The following DIS3L2 variants were observed in gnomAD, a reference collection of about 807,000 sequenced individuals.
DIS3L2 encodes the protein DIS3 like 3'-5' exoribonuclease 2.
DIS3L2 carries 34 observed loss-of-function variants against 97.5 expected under a neutral mutation model. The observed-to-expected ratio is 0.35, with a 90% confidence interval of 0.27 to 0.46. DIS3L2 has a LOEUF of 0.46. Ranked by LOEUF, DIS3L2 falls within the 20% of genes least tolerant of loss-of-function variation. The pLI is 1.00. For missense variants in DIS3L2, 1,038 were observed against 1,146.0 expected (o/e 0.91, Z 1.36); for synonymous variants, 435 against 445.2 (o/e 0.98, Z 0.29).
intron 8 of DIS3L2, among the ~76,000 whole-genome samples, chr2:232,145,045 G>A (rs1437776273): frequency 6.6e-6 from 1 of 152,088 alleles, no homozygotes; most frequent in East Asian, 1.9e-4. Context: ...TTATTATACT[G>A]TATTTTTGGA....
chr2:232,236,364 A>G (rs540309422), intron 10 of DIS3L2, among the ~76,000 whole-genome samples: 2 of 152,300 alleles, frequency 1.3e-5, no homozygotes, highest in Admixed American at 1.3e-4. Context: ...TTCTAAGCCA[A>G]CTTGGGTATG....
intron 1 of DIS3L2, among the ~76,000 whole-genome samples, chr2:231,985,017 G>C (rs1375531364): frequency 6.6e-6 from 1 of 152,174 alleles, no homozygotes; most frequent in Non-Finnish European, 1.5e-5. Flanking sequence ...GTTTTTTCTT[G>C]TGTAACTAAG....
chr2:231,988,236 C>A (rs1281921179), intron 1 of DIS3L2, among the ~76,000 whole-genome samples: 1 of 152,164 alleles, frequency 6.6e-6, no homozygotes, highest in Non-Finnish European at 1.5e-5. Flanking sequence ...GTGGTTTTTA[C>A]GTGGAAAATC....
At chr2:232,039,084 G>GT (rs1695036284) in intron 5 of DIS3L2, among the ~76,000 whole-genome samples, 1 of 152,188 alleles carries the variant, frequency 6.6e-6, no homozygotes, top group Admixed American at 6.5e-5. Context: ...AGTCTTCACA[G>GT]TGGCTGCCTG....
chr2:232,176,566 G>C (rs899957722), intron 9 of DIS3L2, among the ~76,000 whole-genome samples: 1 of 150,522 alleles, frequency 6.6e-6, no homozygotes, highest in South Asian at 2.1e-4. Flanking sequence ...TTATGTTATT[G>C]AGTTCAGATC....
chr2:232,143,850 A>G (rs968931819), intron 8 of DIS3L2, among the ~76,000 whole-genome samples: 7 of 152,062 alleles, frequency 4.6e-5, no homozygotes, highest in African/African-American at 7.2e-5. Flanking sequence ...TTTTTTCCCC[A>G]GAGGTAACCA....
intron 6 of DIS3L2, among the ~76,000 whole-genome samples, chr2:232,121,256 ACTTT>A (rs983684969): frequency 7.9e-5 from 12 of 152,242 alleles, no homozygotes; most frequent in Middle Eastern, 3.4e-3. Flanking sequence ...CTATTGAAAT[ACTTT>A]CTTTCTTTGT....
chr2:232,307,328 T>A (rs1400105138), intron 14 of DIS3L2, among the ~76,000 whole-genome samples: 1 of 152,246 alleles, frequency 6.6e-6, no homozygotes, highest in African/African-American at 2.4e-5. Context: ...GAGTCAAGCT[T>A]CTTTCCAGCT....
At chr2:232,008,655 A>G (rs1694115176) in intron 1 of DIS3L2, among the ~76,000 whole-genome samples, 1 of 152,162 alleles carries the variant, frequency 6.6e-6, no homozygotes, top group Admixed American at 6.5e-5. Flanking sequence ...GGAGTGGGTT[A>G]TGCCTTTATA....
chr2:232,127,960 AT>A (rs1300190201), intron 6 of DIS3L2, among the ~76,000 whole-genome samples: 4 of 151,018 alleles, frequency 2.6e-5, no homozygotes, highest in Non-Finnish European at 5.9e-5. Flanking sequence ...TACAGTTTTT[AT>A]TTTTTTTGAG....
At chr2:232,253,104 CA>C (rs1186505511) in intron 12 of DIS3L2, among the ~76,000 whole-genome samples, 13 of 152,196 alleles carry the variant, frequency 8.5e-5, no homozygotes, top group Admixed American at 4.6e-4. Context: ...TGCTTTTCCT[CA>C]AGACCACCAG....
At chr2:232,338,241 C>T (rs570238611), downstream of DIS3L2, among the ~76,000 whole-genome samples, 284 of 152,252 alleles carry the variant, frequency 1.9e-3, no homozygotes, top group African/African-American at 6.3e-3. Flanking sequence ...TCGGGCCAGG[C>T]TGACCCTGTC....
At chr2:232,329,787 C>CCGGGGGGA in intron 14 of DIS3L2, 26 bp from the exon 15 acceptor site, 1 of 1,062,208 alleles carries the variant, frequency 9.4e-7, no homozygotes, top group Non-Finnish European at 1.3e-6. Context: ...CCCAGCGGTC[C>CCGGGGGGA]CTCCCATCCC....
At chr2:232,294,231 C>T (rs1694669812) in intron 13 of DIS3L2, among the ~76,000 whole-genome samples, 1 of 152,214 alleles carries the variant, frequency 6.6e-6, no homozygotes, top group South Asian at 2.1e-4. Context: ...AGGTTTCTTA[C>T]CTCAGAGCTG....
At chr2:232,015,041 G>A (rs1250915010) in intron 2 of DIS3L2, 62 bp downstream of exon 2, 30 of 1,563,664 alleles carry the variant, frequency 1.9e-5, no homozygotes, top group Non-Finnish European at 2.6e-5. Context: ...AGTGGAATGG[G>A]TGTGAAGTGG....
intron 9 of DIS3L2, among the ~76,000 whole-genome samples, chr2:232,184,041 A>C (rs1158641737): frequency 6.6e-6 from 1 of 152,152 alleles, no homozygotes; most frequent in African/African-American, 2.4e-5. Flanking sequence ...TGTAAGTAAA[A>C]CTTTACAAAG....
intron 5 of DIS3L2, among the ~76,000 whole-genome samples, chr2:232,086,219 ACG>A (rs1696583181): frequency 6.6e-6 from 1 of 151,794 alleles, no homozygotes; most frequent in African/African-American, 2.4e-5. Flanking sequence ...ATATATACAC[ACG>A]TATAGACGTG....
At chr2:232,133,022 A>T (rs1698262559) in intron 7 of DIS3L2, among the ~76,000 whole-genome samples, 1 of 152,144 alleles carries the variant, frequency 6.6e-6, no homozygotes, top group Admixed American at 6.5e-5. Context: ...GCTGGGTGGC[A>T]TTAGCAAGGG....
At chr2:232,100,804 G>GGGGT (rs151034873) in intron 6 of DIS3L2, among the ~76,000 whole-genome samples, 2 of 147,630 alleles carry the variant, frequency 1.4e-5, no homozygotes, top group African/African-American at 5.1e-5. Flanking sequence ...TTGAAAGAAA[G>GGGGT]GTGTGTGTGT....
Sources: allele counts gnomAD v4.1 joint callset (sites outside exome capture counted in the v4.1 genomes callset), GRCh38; gene constraint gnomAD v4.1.1; transcripts MANE v1.5; gene names NCBI Gene and HGNC (gene_info 2026-07-23, HGNC 2026-07-21).